Variants in TPO observed in about 807,000 individuals in gnomAD.
TPO encodes thyroid peroxidase.
A neutral mutation model predicts 96.9 loss-of-function variants in TPO; 78 were observed. The observed-to-expected ratio is 0.81, with a 90% CI of 0.67 to 0.97. TPO has a LOEUF of 0.97. Among genes scored for constraint, TPO ranks in the 50% least tolerant of loss-of-function variants. The pLI is 0.00. For missense variants in TPO, 1,252 were observed against 1,274.8 expected, an observed-to-expected ratio of 0.98 and a Z score of 0.27; for synonymous variants, 547 against 538.0, an observed-to-expected ratio of 1.02 and a Z score of -0.23.
At chr2:1,405,273 ACT>A (rs1477597657) in intron 1 of TPO, among the ~76,000 whole-genome samples, 7 of 146,130 alleles carry the variant, frequency 4.8e-5, no homozygotes, top group African/African-American at 1.8e-4. Context: ...CCCATTAATC[ACT>A]CACACACACA....
At chr2:1,425,467 G>A (rs182791411) in intron 3 of TPO, among the ~76,000 whole-genome samples, 132 of 151,828 alleles carry the variant, frequency 8.7e-4, no homozygotes, top group African/African-American at 3.0e-3. Flanking sequence ...ACAGAGATGC[G>A]TTAGATCATT....
chr2:1,409,960 G>A (rs2148387935), upstream of TPO, among the ~76,000 whole-genome samples: 1 of 150,390 alleles, frequency 6.6e-6, no homozygotes, highest in African/African-American at 2.5e-5. Context: ...GTGGGGGGCA[G>A]GTGTGGTGGG....
chr2:1,488,013 C>A (rs1394360972), intron 10 of TPO, 22 bp downstream of exon 10: 2 of 1,612,122 alleles, frequency 1.2e-6, no homozygotes, highest in South Asian at 2.2e-5. Context: ...CCTTCCCTTG[C>A]ACACCTCATG....
At chr2:1,384,102 C>T (rs1464160712) in intron 1 of TPO, among the ~76,000 whole-genome samples, 3 of 152,198 alleles carry the variant, frequency 2.0e-5, no homozygotes, top group African/African-American at 7.2e-5. Flanking sequence ...CAGTACCATG[C>T]TGTTTTGGTT....
chr2:1,402,968 A>G (rs1662194683), intron 1 of TPO, among the ~76,000 whole-genome samples: 1 of 152,198 alleles, frequency 6.6e-6, no homozygotes, highest in South Asian at 2.1e-4. Flanking sequence ...CGGCATCCTC[A>G]TTGGAGCCAC....
chr2:1,433,106 A>G (rs892470838), intron 3 of TPO, among the ~76,000 whole-genome samples: 5 of 152,154 alleles, frequency 3.3e-5, no homozygotes, highest in African/African-American at 1.2e-4. Context: ...GGATGTAAAC[A>G]AATCATATCT....
intron 14 of TPO, chr2:1,512,402 G>T (rs77661840): frequency 1.0e-6 from 1 of 985,244 alleles, no homozygotes; most frequent in African/African-American, 1.7e-5. Context: ...TCCTGCCCCC[G>T]CCAAGGGCGT....
intron 15 of TPO, among the ~76,000 whole-genome samples, chr2:1,526,915 C>T (rs548006167): frequency 2.7e-5 from 4 of 147,630 alleles, no homozygotes; most frequent in Non-Finnish European, 4.5e-5. Flanking sequence ...TGCAACCTCC[C>T]CAAATCCCCT....
chr2:1,468,206 G>A (rs1669082655), intron 7 of TPO, among the ~76,000 whole-genome samples: 2 of 151,942 alleles, frequency 1.3e-5, no homozygotes, highest in African/African-American at 4.8e-5. Flanking sequence ...GAGATGTGAG[G>A]TATCATTCCA....
rs141441904 is a variant in TPO, at chr2:1,529,039, C to G, written c.2619-11555C>G. On this transcript the variant is annotated intron_variant, in intron 15 of 16. Coordinates refer to ENST00000329066, the MANE Select transcript of TPO (RefSeq NM_001206744.2). ...TCCTCAAATCCCAACTCTGTGCAAC[C>G]TCCCCAAATCTCCCCAGTGTGTGCA... 5.7e-4 allele frequency among the ~76,000 whole-genome samples: 81 copies of G among 141,884 alleles called. No individual in the cohort carries two copies. In the East Asian group the frequency reaches 0.014, roughly 24 times the overall value. The allele number at this position is 141,884 out of a possible 152,430, so 93.1% of individuals were successfully genotyped here.
At chr2:1,404,200 G>A (rs116731361) in intron 1 of TPO, among the ~76,000 whole-genome samples, 85 of 152,248 alleles carry the variant, frequency 5.6e-4, no homozygotes, top group African/African-American at 2.0e-3. Context: ...TACAGACCTT[G>A]CCAGGTGTTC....
At chr2:1,505,358 C>T (rs995685803) in intron 14 of TPO, among the ~76,000 whole-genome samples, 2 of 147,176 alleles carry the variant, frequency 1.4e-5, no homozygotes, top group South Asian at 2.2e-4. Flanking sequence ...CAGGCACACA[C>T]CCCCACCCCC....
intron 1 of TPO, among the ~76,000 whole-genome samples, chr2:1,388,092 C>G (rs547593012): frequency 6.6e-6 from 1 of 152,134 alleles, no homozygotes; most frequent in East Asian, 1.9e-4. Context: ...GAGGGGTACC[C>G]GGCTGTGTGA....
rs1253554769 is a variant in TPO, at chr2:1,387,564, G to C, written n.180+13162G>C. On this transcript the variant is annotated intron_variant and non_coding_transcript_variant, in intron 1 of 5. Coordinates refer to the TPO transcript ENST00000497517. ...TGTGCCTTGGTTTTCAGCTTCAGCAGGTCCTTTAAGGACTTCTCTGCATTG... is the reference window on the plus strand; with the variant it reads ...TGTGCCTTGGTTTTCAGCTTCAGCACGTCCTTTAAGGACTTCTCTGCATTG... Among the ~76,000 whole-genome samples the C allele has an allele frequency of 2.0e-5, 3 of 152,184 alleles. No individual in the cohort carries two copies. The East Asian group carries it at 5.8e-4, about 29-fold the overall frequency.
chr2:1,523,017 C>CA (rs1325444947), intron 15 of TPO, among the ~76,000 whole-genome samples: 41 of 148,840 alleles, frequency 2.8e-4, no homozygotes, highest in Non-Finnish European at 4.9e-4. Flanking sequence ...CCAGATCCCC[C>CA]CAACTCTGTG....
chr2:1,481,976 G>A (rs1438997952), intron 8 of TPO, among the ~76,000 whole-genome samples: 1 of 152,216 alleles, frequency 6.6e-6, no homozygotes, highest in East Asian at 1.9e-4. Flanking sequence ...GCCTGGCTGT[G>A]TCACGTCCTT....
At chr2:1,441,695 G>A (rs975464687) in intron 5 of TPO, among the ~76,000 whole-genome samples, 3 of 152,178 alleles carry the variant, frequency 2.0e-5, no homozygotes, top group Non-Finnish European at 4.4e-5. Context: ...GGGGTAGGAG[G>A]TGGGTGTGGG....
At position 1,433,527 on chromosome 2, in the gene TPO, C is replaced by T; in HGVS notation, c.269C>T (p.Ala90Val). The T allele has an allele frequency of 6.2e-7, 1 of 1,614,176 alleles. No homozygotes were observed. The highest frequency in any genetic ancestry group is 8.5e-7 in the Non-Finnish European group (1 of 1,180,050). The change falls in exon 4 of 17, where the codon GCA becomes GTA. Residue 90 changes from alanine to valine, a missense_variant. Physicochemically the swap from Ala to Val is moderately conservative, Grantham distance 64. Coordinates refer to ENST00000329066, the MANE Select transcript of TPO (RefSeq NM_001206744.2). ...PEPTSGVIARAAEIMETSIQA... is the reference protein window; with the variant it reads ...PEPTSGVIARVAEIMETSIQA... Reference sequence around the variant, plus strand: ...CCAACAAGCGGAGTGATTGCCCGAGCAGCAGAGATAATGGAAACATCAATA... The same window carrying T: ...CCAACAAGCGGAGTGATTGCCCGAGTAGCAGAGATAATGGAAACATCAATA...
chr2:1,459,172 G>A (rs1248411133), intron 7 of TPO, among the ~76,000 whole-genome samples: 1 of 147,232 alleles, frequency 6.8e-6, no homozygotes, highest in African/African-American at 2.5e-5. Context: ...TTTTTTTTAA[G>A]ACAGGGTCTC....
Sources: gnomAD v4.1 joint callset for allele counts (sites outside exome capture counted in the v4.1 genomes callset) on GRCh38, gnomAD v4.1.1 for gene constraint, MANE v1.5 for transcripts, NCBI Gene and HGNC (gene_info 2026-07-23, HGNC 2026-07-21) for gene names.